The following PARD3 variants were observed in gnomAD, a reference collection of about 807,000 sequenced individuals.
The protein encoded by PARD3 is partitioning defective 3 homolog.
In PARD3, 75 loss-of-function variants were observed where a neutral mutation model predicts 155.4. That is an observed-to-expected ratio of 0.48 (90% CI 0.40 to 0.58). The LOEUF is 0.58. Ranked by LOEUF, PARD3 falls within the 20% of genes least tolerant of loss-of-function variation. The probability of loss-of-function intolerance (pLI) is 0.00; values close to 1 mark genes in which losing one functional copy is unlikely to be tolerated. For missense variants in PARD3, 1,642 were observed against 1,721.7 expected, an observed-to-expected ratio of 0.95 and a Z score of 0.82; for synonymous variants, 576 against 610.5, an observed-to-expected ratio of 0.94 and a Z score of 0.83.
At chr10:34,513,328 G>A (rs904129496) in intron 3 of PARD3, among the ~76,000 whole-genome samples, 1 of 152,184 alleles carries the variant, frequency 6.6e-6, no homozygotes, top group African/African-American at 2.4e-5. Flanking sequence ...CGCCCAGGCT[G>A]GAGTGCAAGG....
chr10:34,174,980 G>T (rs1047077791), intron 22 of PARD3, among the ~76,000 whole-genome samples: 2 of 151,390 alleles, frequency 1.3e-5, no homozygotes, highest in African/African-American at 2.4e-5. Context: ...TCTTCTTAAG[G>T]CCAATTCATT....
At chr10:34,119,216 G>A (rs1946845982) in intron 24 of PARD3, among the ~76,000 whole-genome samples, 2 of 152,132 alleles carry the variant, frequency 1.3e-5, no homozygotes, top group Non-Finnish European at 2.9e-5. Context: ...ATCCTTTTAT[G>A]GAGCTCTGGA....
chr10:34,376,562 AG>A (rs1244385644), intron 10 of PARD3, among the ~76,000 whole-genome samples: 1 of 152,232 alleles, frequency 6.6e-6, no homozygotes. Context: ...TTCAGGAAGC[AG>A]GACCCTAACA....
chr10:34,353,730 A>G (rs981694009), intron 14 of PARD3, among the ~76,000 whole-genome samples: 74 of 150,566 alleles, frequency 4.9e-4, no homozygotes, highest in Non-Finnish European at 9.8e-4. Flanking sequence ...TAAATAAAAA[A>G]ATAAATAAAT....
At chr10:34,312,286 T>C in intron 20 of PARD3, 2 of 1,606,444 alleles carry the variant, frequency 1.2e-6, no homozygotes, top group South Asian at 2.2e-5. Flanking sequence ...ATTTATTGTT[T>C]GTTTAAAAAA....
intron 22 of PARD3, among the ~76,000 whole-genome samples, chr10:34,200,490 G>C (rs138639356): frequency 1.2e-3 from 189 of 151,836 alleles, no homozygotes; most frequent in African/African-American, 4.2e-3. Context: ...GCAGCAGATG[G>C]GGTCTATCTG....
intron 1 of PARD3, among the ~76,000 whole-genome samples, chr10:34,810,466 G>A (rs1411510173): frequency 6.6e-6 from 1 of 152,148 alleles, no homozygotes; most frequent in South Asian, 2.1e-4. Context: ...CTAAAGTGAT[G>A]TGCTTGGGGA....
chr10:34,563,799 G>C (rs2085704067), intron 2 of PARD3, among the ~76,000 whole-genome samples: 1 of 152,122 alleles, frequency 6.6e-6, no homozygotes, highest in South Asian at 2.1e-4. Context: ...AAAGTGTTGG[G>C]ATTACAGGTG....
chr10:34,649,360 C>A (rs186897750), intron 2 of PARD3, among the ~76,000 whole-genome samples: 101 of 152,322 alleles, frequency 6.6e-4, no homozygotes, highest in African/African-American at 2.2e-3. Context: ...CTTACACAGA[C>A]CTAGAGGGTA....
chr10:34,803,566 G>A (rs1054286552), intron 1 of PARD3, among the ~76,000 whole-genome samples: 5 of 152,092 alleles, frequency 3.3e-5, no homozygotes, highest in African/African-American at 9.7e-5. Flanking sequence ...CAAGGCAGGC[G>A]GATGACTTTA....
intron 2 of PARD3, among the ~76,000 whole-genome samples, chr10:34,522,930 T>C (rs2082242854): frequency 6.6e-6 from 1 of 152,206 alleles, no homozygotes. Context: ...GCATCTAACA[T>C]ATCCACAGCA....
At chr10:34,389,882 A>T (rs967040455) in intron 7 of PARD3, among the ~76,000 whole-genome samples, 2 of 152,188 alleles carry the variant, frequency 1.3e-5, no homozygotes, top group Admixed American at 6.5e-5. Context: ...CCAAAAAGGT[A>T]AATAAAAATG....
At chr10:34,813,136 AACT>A (rs1313635425) in intron 1 of PARD3, among the ~76,000 whole-genome samples, 2 of 152,232 alleles carry the variant, frequency 1.3e-5, no homozygotes, top group African/African-American at 2.4e-5. Flanking sequence ...ACTACATTTG[AACT>A]ACTGCCAAAC....
chr10:34,620,575 A>G (rs1436172239), intron 2 of PARD3, among the ~76,000 whole-genome samples: 2 of 152,244 alleles, frequency 1.3e-5, no homozygotes, highest in African/African-American at 2.4e-5. Context: ...GTAACTGGAA[A>G]TTGGGATGGA....
intron 22 of PARD3, among the ~76,000 whole-genome samples, chr10:34,181,388 C>A (rs2133197670): frequency 6.6e-6 from 1 of 152,224 alleles, no homozygotes; most frequent in South Asian, 2.1e-4. Context: ...TGTATAACGA[C>A]CAGTTTGCAA....
intron 22 of PARD3, among the ~76,000 whole-genome samples, chr10:34,161,086 G>A (rs1949255177): frequency 6.6e-6 from 1 of 151,716 alleles, no homozygotes. Context: ...TACATAAAAA[G>A]TTTAAAAAAT....
intron 21 of PARD3, among the ~76,000 whole-genome samples, chr10:34,274,397 C>T (rs1434689525): frequency 6.6e-6 from 1 of 152,128 alleles, no homozygotes; most frequent in Non-Finnish European, 1.5e-5. Flanking sequence ...TAATTTTATT[C>T]TTTGCACCAT....
chr10:34,227,816 G>C (rs2133534189), intron 22 of PARD3, among the ~76,000 whole-genome samples: 1 of 128,482 alleles, frequency 7.8e-6, no homozygotes, highest in African/African-American at 3.0e-5. Flanking sequence ...TCCCATTACT[G>C]GGAATATATA....
chr10:34,311,622 C>T lies in PARD3; in HGVS notation c.3065+5485G>A, dbSNP rs570047685. On this transcript the variant is annotated intron_variant, in intron 20 of 24. Coordinates refer to ENST00000374788, the MANE Select transcript of PARD3 (RefSeq NM_001184785.2). The stretch of plus-strand genomic sequence containing the variant: ...ATTTATGAAAGAGTGTGTGCTCTCT[C>T]GACACGTGGTCTCAGCAAACCTTGG... Among the ~76,000 whole-genome samples, 14 of 151,902 alleles carry T rather than the reference C, an allele frequency of 9.2e-5. No individual in the cohort carries two copies. In the East Asian group the frequency reaches 1.5e-3, roughly 17 times the overall value.
Sources: gnomAD v4.1 joint callset for allele counts (sites outside exome capture counted in the v4.1 genomes callset) on GRCh38, gnomAD v4.1.1 for gene constraint, MANE v1.5 for transcripts, NCBI Gene and HGNC (gene_info 2026-07-23, HGNC 2026-07-21) for gene names.